Variants in TP53I3 observed in about 807,000 individuals in gnomAD.
TP53I3 encodes the protein quinone oxidoreductase PIG3.
Under a neutral mutation model 27.7 loss-of-function variants are expected in TP53I3, and 32 were observed. The observed-to-expected ratio is 1.16, with a 90% CI of 0.87 to 1.55. TP53I3 has a LOEUF of 1.55. Ranked by LOEUF, TP53I3 falls within the 40% of genes most tolerant of loss-of-function variation. TP53I3 has a pLI of 0.00. For synonymous variants in TP53I3, 138 were observed against 167.8 expected (o/e 0.82, Z 1.37); for missense variants, 372 against 412.3 (o/e 0.90, Z 0.85).
chr2:24,083,246 T>C (rs1665097945), intron 1 of TP53I3, 94 bp from the exon 2 acceptor site: 6 of 1,471,724 alleles, frequency 4.1e-6, no homozygotes, highest in Non-Finnish European at 4.5e-6. Context: ...TCTTTTTTTT[T>C]TCAAAAATAA....
rs1018045654 is a variant in TP53I3, at chr2:24,080,463, C to A, written c.619+356G>T. Among the ~76,000 whole-genome samples, 14 of 152,300 alleles carry A rather than the reference C, an allele frequency of 9.2e-5. No individual in the cohort carries two copies. The highest frequency in any genetic ancestry group is 2.9e-4 in the African/African-American group (12 of 41,572). ...ACTTACTCATTTAGGGTGCTACCAC[C>A]CAACCCTACCATGGCTGGCTCCAAA... On this transcript the variant is annotated intron_variant, in intron 3 of 4. Coordinates refer to ENST00000238721, the MANE Select transcript of TP53I3 (RefSeq NM_004881.5). This position sits in a 1 kb window ranked among gnomAD's most constrained non-coding sequence, Gnocchi z 4.7.
chr2:24,079,384 T>C, intron 4 of TP53I3, 60 bp downstream of exon 4: 1 of 1,566,284 alleles, frequency 6.4e-7, no homozygotes, highest in Non-Finnish European at 8.7e-7. Context: ...CTCGGGGTAA[T>C]GTAAATGAAC....
At chr2:24,078,304 T>A (rs1664848206) in intron 4 of TP53I3, among the ~76,000 whole-genome samples, 1 of 152,016 alleles carries the variant, frequency 6.6e-6, no homozygotes, top group South Asian at 2.1e-4. Context: ...AGCATCTTAC[T>A]TTGGCCGAAT....
At position 24,080,227 on chromosome 2, in the gene TP53I3, C is replaced by T. The variant is rs938008028; in HGVS notation, c.620-587G>A. 2.0e-5 allele frequency among the ~76,000 whole-genome samples: 3 copies of T among 151,858 alleles called. No individual in the cohort carries two copies. The highest frequency in any genetic ancestry group is 2.0e-4 in the Admixed American group (3 of 15,238). ...CAAAAATTAGCTGGGCGTGGTGGTG[C>T]GCCTGTGATCTCAGCTACTCAGGAG... On this transcript the variant is annotated intron_variant, in intron 3 of 4. Transcript: ENST00000238721. The surrounding 1 kb of genome is among the most constrained non-coding windows in gnomAD (Gnocchi z 4.7).
chr2:24,083,683 G>A (rs554780194), intron 1 of TP53I3, among the ~76,000 whole-genome samples: 7 of 152,206 alleles, frequency 4.6e-5, no homozygotes, highest in Non-Finnish European at 1.0e-4. Flanking sequence ...GCCCAGGTCA[G>A]TAAATCAGCA....
chr2:24,077,499 G>C lies in TP53I3; in HGVS notation c.*80C>G. 3 of 1,451,210 alleles carry C rather than the reference G, an allele frequency of 2.1e-6. No individual in the cohort carries two copies. In the South Asian group the frequency reaches 4.1e-5, roughly 20 times the overall value. The allele number at this position is 1,451,210 out of a possible 1,614,324, so 89.9% of individuals were successfully genotyped here. A position where few individuals can be genotyped will look rare whatever the true frequency, so the allele number is the denominator to read the frequency against. ...CTCTGGAGGAAGCACCGGGTTTCTT[G>C]GCCTGTCTATTGTGAATCTTCTCCA... is the stretch of plus-strand genomic sequence containing the variant. On this transcript the variant is annotated 3_prime_UTR_variant, in exon 5 of 5. Coordinates refer to ENST00000238721, the MANE Select transcript of TP53I3 (RefSeq NM_004881.5). This position sits in a 1 kb window ranked among gnomAD's most constrained non-coding sequence, Gnocchi z 5.5.
chr2:24,084,205 C>G lies in TP53I3; in HGVS notation c.122G>C (p.Arg41Pro), dbSNP rs915031723. ...CCTGGGTACCTGCATTAAGTCCGCC[C>G]GGTTCAGGGCGCTGGCCGCCACCTT... ...LLKVAASALNRADLMQRQGQY... is the reference protein window; with the variant it reads ...LLKVAASALNPADLMQRQGQY... The change falls in exon 1 of 5, where the codon CGG becomes CCG. Residue 41 changes from arginine (R) to proline (P), a missense_variant. Coordinates refer to ENST00000238721, the MANE Select transcript of TP53I3 (RefSeq NM_004881.5). This position sits in a 1 kb window ranked among gnomAD's most constrained non-coding sequence, Gnocchi z 8.4. 3.1e-6 allele frequency: 5 copies of G among 1,613,024 alleles called. No individual in the cohort carries two copies. In the Admixed American group the frequency reaches 5.0e-5, roughly 16 times the overall value.
intron 2 of TP53I3, among the ~76,000 whole-genome samples, chr2:24,081,967 T>C (rs1005568038): frequency 6.6e-6 from 1 of 151,602 alleles, no homozygotes. Context: ...AGTGCTGGGA[T>C]TACAGGCGTG....
At chr2:24,082,739 A>G (rs1573721115) in intron 2 of TP53I3, 146 bp downstream of exon 2, 1 of 1,144,976 alleles carries the variant, frequency 8.7e-7, no homozygotes, top group Non-Finnish European at 1.2e-6. Flanking sequence ...TCAACATTAA[A>G]CCCTTCTAAC....
chr2:24,079,733 C>T (rs1380671022), intron 3 of TP53I3, 93 bp from the exon 4 acceptor site: 2 of 1,234,500 alleles, frequency 1.6e-6, no homozygotes, highest in East Asian at 4.7e-5. Flanking sequence ...AATACAGATG[C>T]AAGTGGTAAA....
Position 24,079,641 on chromosome 2 carries a change from C to T in TP53I3, c.620-1G>A. On this transcript the variant is annotated splice_acceptor_variant, in intron 3 of 4. Transcript: ENST00000238721. LOFTEE classifies it high-confidence loss of function. ...TCTAGAATAAGATTAACTCCAGCACCTTCCATAGGAAACAGATTTGTGATG... is the reference window on the plus strand; with the variant it reads ...TCTAGAATAAGATTAACTCCAGCACTTTCCATAGGAAACAGATTTGTGATG... 3 of 1,612,792 alleles carry T rather than the reference C, an allele frequency of 1.9e-6. No homozygotes were observed. The highest frequency in any genetic ancestry group is 1.3e-5 in the African/African-American group (1 of 74,956).
chr2:24,083,156 CA>C lies in TP53I3; in HGVS notation c.139-5del. ...GTGGGTCATACTGGCCTTGTCTCTG[CA>C]GAGAAAGAAGTGCACTAAGTGGTGA... On this transcript the variant is annotated splice_region_variant and splice_polypyrimidine_tract_variant and intron_variant, in intron 1 of 4. Coordinates refer to ENST00000238721, the MANE Select transcript of TP53I3 (RefSeq NM_004881.5). 1 of 1,599,648 alleles carries C rather than the reference CA, an allele frequency of 6.3e-7. No individual in the cohort carries two copies. Among genetic ancestry groups the C allele is most frequent in the Non-Finnish European group, 8.5e-7 (1 of 1,170,282 alleles).
chr2:24,083,625 C>T (rs954287676), intron 1 of TP53I3, among the ~76,000 whole-genome samples: 1 of 152,200 alleles, frequency 6.6e-6, no homozygotes, highest in South Asian at 2.1e-4. Flanking sequence ...TTTTGTGCCC[C>T]GGGGGATTCT....
Position 24,080,767 on chromosome 2 carries a change from T to C in TP53I3, c.619+52A>G. Reference sequence around the variant, plus strand: ...TGGCAACTTTGAGACTGGTGGGGCTTTTATTTAATCATCTCTTAAATTCCT... The same window carrying C: ...TGGCAACTTTGAGACTGGTGGGGCTCTTATTTAATCATCTCTTAAATTCCT... On this transcript the variant is annotated intron_variant, in intron 3 of 4. Coordinates refer to ENST00000238721, the MANE Select transcript of TP53I3 (RefSeq NM_004881.5). This position sits in a 1 kb window ranked among gnomAD's most constrained non-coding sequence, Gnocchi z 4.7. 6.2e-7 allele frequency: 1 copy of C among 1,607,246 alleles called. No homozygotes were observed. The highest frequency in any genetic ancestry group is 2.2e-5 in the East Asian group (1 of 44,822).
rs1425347653 is a variant in TP53I3 at position 24,081,034 on chromosome 2, G to A, written c.407-3C>T. 1 of 1,610,966 alleles carries A rather than the reference G, an allele frequency of 6.2e-7. No homozygotes were observed. Among genetic ancestry groups the A allele is most frequent in the Non-Finnish European group, 8.5e-7 (1 of 1,177,650 alleles). On this transcript the variant is annotated splice_polypyrimidine_tract_variant and splice_region_variant and intron_variant, in intron 2 of 4. Coordinates refer to ENST00000238721, the MANE Select transcript of TP53I3 (RefSeq NM_004881.5). ...ATAGTCTCCAGCCTGAACATTTCCT[G>A]TGACAGAAAGTACAGGGTTCTCTTT...
intron 1 of TP53I3, among the ~76,000 whole-genome samples, chr2:24,083,474 C>G (rs972819765): frequency 1.3e-5 from 2 of 152,110 alleles, no homozygotes; most frequent in Non-Finnish European, 2.9e-5. Context: ...ACGATGGTTC[C>G]CATGCATCAA....
intron 4 of TP53I3, among the ~76,000 whole-genome samples, chr2:24,078,638 T>C (rs1223534497): frequency 1.3e-5 from 2 of 152,206 alleles, no homozygotes; most frequent in Non-Finnish European, 2.9e-5. Flanking sequence ...TAACTTCTGT[T>C]CTGTACCAGA....
chr2:24,084,052 G>A lies in TP53I3; in HGVS notation c.138+137C>T, dbSNP rs1573723525. ...AACAAAGAGGGCGCCCTGGGTTTAGGTCTGGGAAGCCCCAGCGCAGCTGCC... is the reference window on the plus strand; with the variant it reads ...AACAAAGAGGGCGCCCTGGGTTTAGATCTGGGAAGCCCCAGCGCAGCTGCC... On this transcript the variant is annotated intron_variant, in intron 1 of 4. Coordinates refer to ENST00000238721, the MANE Select transcript of TP53I3 (RefSeq NM_004881.5). The surrounding 1 kb of genome is among the most constrained non-coding windows in gnomAD (Gnocchi z 8.4). 1 of 1,360,386 alleles carries A rather than the reference G, an allele frequency of 7.4e-7. No individual in the cohort carries two copies. The highest frequency in any genetic ancestry group is 9.7e-7 in the Non-Finnish European group (1 of 1,032,424). The allele number at this position is 1,360,386 out of a possible 1,614,324, so 84.3% of individuals were successfully genotyped here.
chr2:24,084,419 G>GGCAGGACA lies in TP53I3; in HGVS notation c.-94_-93insTGTCCTGC. 1 of 1,413,766 alleles carries GGCAGGACA rather than the reference G, an allele frequency of 7.1e-7. No homozygotes were observed. The highest frequency in any genetic ancestry group is 9.3e-7 in the Non-Finnish European group (1 of 1,070,200). The allele number at this position is 1,413,766 out of a possible 1,614,324, so 87.6% of individuals were successfully genotyped here. A position where few individuals can be genotyped will look rare whatever the true frequency, so the allele number is the denominator to read the frequency against. Reference sequence around the variant, plus strand: ...GGCAGGGCAGGACAGGACAGGGCAGGGGCCGCTGTATCCTCGCGGAGCAGC... The same window carrying GGCAGGACA: ...GGCAGGGCAGGACAGGACAGGGCAGGGCAGGACAGGCCGCTGTATCCTCGCGGAGCAGC... On this transcript the variant is annotated 5_prime_UTR_variant, in exon 1 of 5. Transcript: ENST00000238721. This position sits in a 1 kb window ranked among gnomAD's most constrained non-coding sequence, Gnocchi z 8.4.
Sources: allele counts gnomAD v4.1 joint callset (sites outside exome capture counted in the v4.1 genomes callset), GRCh38; gene constraint gnomAD v4.1.1; non-coding constraint Gnocchi (gnomAD v3.1); transcripts MANE v1.5; gene names NCBI Gene and HGNC (gene_info 2026-07-23, HGNC 2026-07-21).